The following OPCML variants were observed in gnomAD, a reference collection of about 807,000 sequenced individuals.
OPCML encodes the protein opioid-binding protein/cell adhesion molecule.
OPCML carries 13 observed loss-of-function variants against 37.8 expected under a neutral mutation model. That is an observed-to-expected ratio of 0.34 (90% CI 0.22 to 0.55). The LOEUF (loss-of-function observed/expected upper bound fraction) is 0.55, where lower values mean the gene tolerates loss of function less well. Among genes scored for constraint, OPCML ranks in the 20% least tolerant of loss-of-function variants. The pLI is 0.91. For missense variants in OPCML, 341 were observed against 435.6 expected (o/e 0.78, Z 1.93); for synonymous variants, 176 against 168.8 (o/e 1.04, Z -0.33).
Position 132,804,015 on chromosome 11 carries a change from A to G in OPCML, c.146+138911T>C, listed in dbSNP as rs1039252754. Among the ~76,000 whole-genome samples, 3 of 152,220 alleles carry G rather than the reference A, an allele frequency of 2.0e-5. 1 individual carries two copies. Among genetic ancestry groups the G allele is most frequent in the Admixed American group, 1.3e-4 (2 of 15,288 alleles). On this transcript the variant is annotated intron_variant, in intron 2 of 7. Coordinates refer to ENST00000524381, the MANE Select transcript of OPCML (RefSeq NM_001012393.5). ...ATAAATAATTTTCACTTTAAGCCAC[A>G]ATGGAGTAACTGTATTGGAATAGAC...
chr11:133,312,331 A>T (rs1439868183), intron 1 of OPCML, among the ~76,000 whole-genome samples: 3 of 152,240 alleles, frequency 2.0e-5, no homozygotes, highest in Non-Finnish European at 4.4e-5. Flanking sequence ...GACATCATCA[A>T]CAGCAACAAC....
intron 1 of OPCML, among the ~76,000 whole-genome samples, chr11:133,013,083 A>G (rs1452639545): frequency 1.3e-5 from 2 of 152,124 alleles, no homozygotes; most frequent in East Asian, 3.9e-4. Flanking sequence ...AAGTTATGTA[A>G]CTGATTCTTG....
intron 2 of OPCML, among the ~76,000 whole-genome samples, chr11:132,680,726 C>A (rs1056490709): frequency 6.6e-6 from 1 of 152,294 alleles, no homozygotes; most frequent in South Asian, 2.1e-4. Flanking sequence ...TCTTTATATT[C>A]GAGCAGAGAA....
intron 1 of OPCML, among the ~76,000 whole-genome samples, chr11:133,168,763 G>A (rs142784164): frequency 2.1e-3 from 322 of 152,270 alleles, no homozygotes; most frequent in East Asian, 5.4e-3. Context: ...ACTGATGTTC[G>A]ATATTTTTCT....
chr11:132,635,247 A>G (rs1330813649), intron 3 of OPCML, among the ~76,000 whole-genome samples: 1 of 152,196 alleles, frequency 6.6e-6, no homozygotes, highest in African/African-American at 2.4e-5. Flanking sequence ...CTTTTAAAAT[A>G]TAATACAATC....
chr11:133,520,074 G>GCT (rs1948367132), intron 1 of OPCML, among the ~76,000 whole-genome samples: 1 of 152,106 alleles, frequency 6.6e-6, no homozygotes. Context: ...GGTTAGAGCA[G>GCT]CTCTCCACCC....
rs987046364 is a variant in OPCML at position 133,077,040 on chromosome 11, G to A, written c.62-134030C>T. Among the ~76,000 whole-genome samples the A allele has an allele frequency of 3.9e-5, 6 of 152,080 alleles. No homozygotes were observed. The East Asian group carries it at 5.8e-4, about 15-fold the overall frequency. Reference sequence around the variant, plus strand: ...TCTAGACTACCTACTGCAGGTGGCCGAGGCCTTGTCCTTGAGGGAATTCTG... The same window carrying A: ...TCTAGACTACCTACTGCAGGTGGCCAAGGCCTTGTCCTTGAGGGAATTCTG... On this transcript the variant is annotated intron_variant, in intron 1 of 7. Transcript: ENST00000524381.
At chr11:133,253,776 T>TA (rs1423893373) in intron 1 of OPCML, among the ~76,000 whole-genome samples, 6 of 149,490 alleles carry the variant, frequency 4.0e-5, no homozygotes. Context: ...GAAGCATTGT[T>TA]AAAGGTTAGC....
intron 2 of OPCML, among the ~76,000 whole-genome samples, chr11:132,737,155 G>A (rs201605009): frequency 1.1e-4 from 16 of 152,270 alleles, no homozygotes; most frequent in East Asian, 7.7e-4. Flanking sequence ...AAATTCTTCC[G>A]TAACTACAGG....
chr11:132,815,454 C>T (rs201678203), intron 2 of OPCML, among the ~76,000 whole-genome samples: 13 of 152,186 alleles, frequency 8.5e-5, no homozygotes, highest in East Asian at 1.9e-4. Context: ...GGGTGCCCTT[C>T]GCTCTTGGCG....
chr11:132,955,020 T>C (rs1271912787), intron 1 of OPCML, among the ~76,000 whole-genome samples: 6 of 152,098 alleles, frequency 3.9e-5, no homozygotes, highest in African/African-American at 1.4e-4. Flanking sequence ...CTGATGAATT[T>C]TGCAGAAGGT....
At chr11:133,089,117 A>C (rs965582256) in intron 1 of OPCML, among the ~76,000 whole-genome samples, 15 of 152,226 alleles carry the variant, frequency 9.9e-5, no homozygotes, top group African/African-American at 3.4e-4. Flanking sequence ...GGCAAGTGCC[A>C]AAAAGGAGCA....
At chr11:132,484,405 AAGTC>A (rs1323294492) in intron 4 of OPCML, among the ~76,000 whole-genome samples, 4 of 152,236 alleles carry the variant, frequency 2.6e-5, no homozygotes, top group Admixed American at 2.6e-4. Flanking sequence ...AATCATTAAA[AAGTC>A]AGGAAACAAC....
chr11:133,006,764 A>T, intron 1 of OPCML: 1 of 985,420 alleles, frequency 1.0e-6, no homozygotes, highest in Non-Finnish European at 1.2e-6. Flanking sequence ...TGGCCTGACA[A>T]CGCCTGCCCC....
At chr11:133,496,900 C>G (rs527491809) in intron 1 of OPCML, among the ~76,000 whole-genome samples, 83 of 152,100 alleles carry the variant, frequency 5.5e-4, no homozygotes, top group Middle Eastern at 3.2e-3. Flanking sequence ...ATTTCTTTCC[C>G]TTGTCTGATT....
intron 1 of OPCML, among the ~76,000 whole-genome samples, chr11:133,080,928 G>A (rs1386336193): frequency 2.0e-5 from 3 of 152,166 alleles, no homozygotes; most frequent in South Asian, 2.1e-4. Flanking sequence ...GTCTAGTGGG[G>A]ACACAGGTGA....
intron 2 of OPCML, among the ~76,000 whole-genome samples, chr11:132,803,012 C>T (rs1442743098): frequency 6.6e-6 from 1 of 152,156 alleles, no homozygotes; most frequent in Admixed American, 6.5e-5. Flanking sequence ...GATAGAAGGT[C>T]TTTAACAAGC....
intron 1 of OPCML, among the ~76,000 whole-genome samples, chr11:133,216,183 G>T (rs1423275486): frequency 2.0e-5 from 3 of 152,310 alleles, no homozygotes; most frequent in African/African-American, 7.2e-5. Flanking sequence ...AGCATCCTGT[G>T]TAATAGGGAG....
At chr11:133,114,748 G>A (rs1029486424) in intron 1 of OPCML, among the ~76,000 whole-genome samples, 2 of 152,086 alleles carry the variant, frequency 1.3e-5, no homozygotes, top group Admixed American at 6.6e-5. Flanking sequence ...GAATTGAGTG[G>A]GTGCTAAATA....
Sources: allele counts gnomAD v4.1 joint callset (sites outside exome capture counted in the v4.1 genomes callset), GRCh38; gene constraint gnomAD v4.1.1; transcripts MANE v1.5; gene names NCBI Gene and HGNC (gene_info 2026-07-23, HGNC 2026-07-21).